Variants in SLC24A2 observed in about 807,000 individuals in gnomAD.
The protein encoded by SLC24A2 is sodium/potassium/calcium exchanger 2.
In SLC24A2, 36 loss-of-function variants were observed where a neutral mutation model predicts 62.0. The ratio of observed to expected loss-of-function variants is 0.58; its 90% confidence interval spans 0.44 to 0.77. The LOEUF is 0.77. Ranked by LOEUF, SLC24A2 falls within the 30% of genes least tolerant of loss-of-function variation. SLC24A2 has a pLI of 0.00. For synonymous variants in SLC24A2, 358 were observed against 294.0 expected (o/e 1.22, Z -2.23); for missense variants, 846 against 817.9 (o/e 1.03, Z -0.42).
chr9:19,524,825 T>A (rs1281066317), intron 9 of SLC24A2, among the ~76,000 whole-genome samples: 2 of 152,188 alleles, frequency 1.3e-5, no homozygotes, highest in East Asian at 1.9e-4. Context: ...AGACTGGAAT[T>A]AAGGTAATCA....
chr9:19,867,586 C>T, the SLC24A2 span, among the ~76,000 whole-genome samples: 2 of 152,028 alleles, frequency 1.3e-5, no homozygotes, highest in South Asian at 4.1e-4. Context: ...GTCAGTCTAC[C>T]CCAGTGTTTG....
At chr9:19,836,773 C>A in the SLC24A2 span, among the ~76,000 whole-genome samples, 3 of 151,852 alleles carry the variant, frequency 2.0e-5, no homozygotes, top group South Asian at 4.2e-4. Context: ...GAGACACAAC[C>A]AAAAAAGAGA....
the SLC24A2 span, among the ~76,000 whole-genome samples, chr9:20,073,743 T>C: frequency 1.2e-3 from 176 of 152,156 alleles, 2 homozygotes; most frequent in East Asian, 0.016. Context: ...CTCATCCTTC[T>C]AGAGTTTGCA....
At chr9:20,159,812 G>A in the SLC24A2 span, among the ~76,000 whole-genome samples, 2 of 151,474 alleles carry the variant, frequency 1.3e-5, no homozygotes, top group Non-Finnish European at 3.0e-5. Flanking sequence ...GTAGTATTTG[G>A]TATTTTGTAT....
the SLC24A2 span, among the ~76,000 whole-genome samples, chr9:20,230,574 G>A: frequency 6.7e-6 from 1 of 150,308 alleles, no homozygotes; most frequent in Non-Finnish European, 1.5e-5. Flanking sequence ...CAATTTTGAT[G>A]GGGTTGTTTG....
At chr9:20,285,255 G>T in the SLC24A2 span, among the ~76,000 whole-genome samples, 4 of 152,228 alleles carry the variant, frequency 2.6e-5, no homozygotes, top group Admixed American at 2.6e-4. Context: ...TAGTCTGAGT[G>T]CTCCAGAGAA....
the SLC24A2 span, among the ~76,000 whole-genome samples, chr9:20,129,178 A>AAGCTC: frequency 6.6e-6 from 1 of 152,160 alleles, no homozygotes; most frequent in African/African-American, 2.4e-5. Flanking sequence ...AGTGGTCAGC[A>AAGCTC]AGCTCATGAA....
chr9:19,883,097 T>C, the SLC24A2 span, among the ~76,000 whole-genome samples: 1 of 152,226 alleles, frequency 6.6e-6, no homozygotes, highest in Non-Finnish European at 1.5e-5. Context: ...TATCAAATGA[T>C]TAAAAATTAC....
At chr9:20,185,560 G>C in the SLC24A2 span, among the ~76,000 whole-genome samples, 1 of 151,326 alleles carries the variant, frequency 6.6e-6, no homozygotes, top group African/African-American at 2.4e-5. Context: ...AGCTATTCGG[G>C]AGGCTGAGGC....
At chr9:19,985,119 C>T in the SLC24A2 span, among the ~76,000 whole-genome samples, 2 of 152,062 alleles carry the variant, frequency 1.3e-5, no homozygotes, top group East Asian at 1.9e-4. Flanking sequence ...AAATCTTGTA[C>T]ATAAACAACT....
the SLC24A2 span, among the ~76,000 whole-genome samples, chr9:20,121,631 AAT>A: frequency 2.0e-5 from 3 of 152,242 alleles, no homozygotes; most frequent in East Asian, 5.8e-4. Flanking sequence ...GCTTACCGGG[AAT>A]GTCCATTTTT....
chr9:19,853,815 C>T, the SLC24A2 span, among the ~76,000 whole-genome samples: 1 of 152,144 alleles, frequency 6.6e-6, no homozygotes, highest in African/African-American at 2.4e-5. Flanking sequence ...TGATGCTGGT[C>T]TCATAAAATG....
the SLC24A2 span, among the ~76,000 whole-genome samples, chr9:19,935,992 G>A: frequency 6.6e-6 from 1 of 152,116 alleles, no homozygotes; most frequent in Non-Finnish European, 1.5e-5. Flanking sequence ...TGAAACTTAA[G>A]GCTTTAATCA....
At chr9:20,218,467 T>G in the SLC24A2 span, among the ~76,000 whole-genome samples, 4 of 152,192 alleles carry the variant, frequency 2.6e-5, no homozygotes, top group South Asian at 8.3e-4. Context: ...TGTCGGAATG[T>G]GTGTCCTTGT....
chr9:19,745,070 T>C (rs950459918), intron 2 of SLC24A2, among the ~76,000 whole-genome samples: 1 of 152,170 alleles, frequency 6.6e-6, no homozygotes, highest in Non-Finnish European at 1.5e-5. Context: ...CTCTTATGAA[T>C]GGCTTAGTGC....
In SLC24A2 at chr9:19,609,708, C is replaced by T. The variant is rs537127613; in HGVS notation, c.1078+9876G>A. 3.9e-4 allele frequency among the ~76,000 whole-genome samples: 60 copies of T among 152,078 alleles called. 1 individual carries two copies. Among genetic ancestry groups the T allele is most frequent in the Non-Finnish European group, 5.0e-4 (34 of 67,998 alleles). ...TCATTGCTTTCATGTTTAAATAATC[C>T]TTTAGTTCACCAGTCCCCAGCGTTT... is the stretch of plus-strand genomic sequence containing the variant. On this transcript the variant is annotated intron_variant, in intron 4 of 10. Transcript: ENST00000341998.
the SLC24A2 span, among the ~76,000 whole-genome samples, chr9:20,039,026 T>C: frequency 6.6e-6 from 1 of 152,028 alleles, no homozygotes; most frequent in Non-Finnish European, 1.5e-5. Flanking sequence ...ACAGAAGTAA[T>C]GGACTAAGAG....
chr9:19,886,566 G>T, the SLC24A2 span, among the ~76,000 whole-genome samples: 12 of 152,340 alleles, frequency 7.9e-5, no homozygotes, highest in East Asian at 2.3e-3. Context: ...ACAGATGCTG[G>T]TAAGGTTGTA....
the SLC24A2 span, among the ~76,000 whole-genome samples, chr9:20,133,842 G>T: frequency 6.6e-6 from 1 of 151,968 alleles, no homozygotes; most frequent in Non-Finnish European, 1.5e-5. Flanking sequence ...TTCACAAGTG[G>T]GTCAGAAAAA....
Sources: gnomAD v4.1 joint callset for allele counts (sites outside exome capture counted in the v4.1 genomes callset) on GRCh38, gnomAD v4.1.1 for gene constraint, MANE v1.5 for transcripts, NCBI Gene and HGNC (gene_info 2026-07-23, HGNC 2026-07-21) for gene names.